The following SNRNP70 variants were observed in gnomAD, a reference collection of about 807,000 sequenced individuals.
The protein encoded by SNRNP70 is small nuclear ribonucleoprotein U1 subunit 70.
Under a neutral mutation model 50.5 loss-of-function variants are expected in SNRNP70, and 8 were observed. The ratio of observed to expected loss-of-function variants is 0.16; its 90% CI spans 0.09 to 0.29. SNRNP70 has a LOEUF of 0.29. Ranked by LOEUF, SNRNP70 falls within the 10% of genes least tolerant of loss-of-function variation. The pLI, the probability that SNRNP70 is intolerant of heterozygous loss-of-function variation, is 1.00. For missense variants in SNRNP70, 529 were observed against 663.5 expected (o/e 0.80, Z 2.23); for synonymous variants, 320 against 252.9 (o/e 1.27, Z -2.52).
rs748754445 is a variant in SNRNP70 at position 49,108,417 on chromosome 19, T to C, written c.1288T>C (p.Tyr430His). The C allele has an allele frequency of 6.2e-7, 1 of 1,609,086 alleles. No homozygotes were observed. Among genetic ancestry groups the C allele is most frequent in the South Asian group, 1.1e-5 (1 of 90,198 alleles). ...GDGYLAPENGYLMEAAPE is the reference protein window; with the variant it reads ...GDGYLAPENGHLMEAAPE ...CGGCTACCTGGCTCCGGAGAATGGG[T>C]ATTTGATGGAGGCTGCGCCGGAGTG... Residue 430 changes from tyrosine to histidine, a missense_variant, in exon 10 of 10, where the codon TAT (tyrosine) becomes CAT (histidine). Transcript: ENST00000598441.
chr19:49,102,980 C>T (rs766880111), intron 7 of SNRNP70: 1 of 152,640 alleles, frequency 6.6e-6, no homozygotes, highest in Non-Finnish European at 1.5e-5. Context: ...TGCCTTTCCC[C>T]ACTCCCCTCC....
At chr19:49,092,594 A>G (rs1223671485) in intron 4 of SNRNP70, among the ~76,000 whole-genome samples, 1 of 151,576 alleles carries the variant, frequency 6.6e-6, no homozygotes, top group Admixed American at 6.6e-5. Context: ...ATTTTAGTAG[A>G]GATGGGGTTT....
In SNRNP70 at chr19:49,104,859, C is replaced by G. The variant is rs2040645068; in HGVS notation, c.577+124C>G. On this transcript the variant is annotated intron_variant, in intron 8 of 9. Coordinates refer to ENST00000598441, the MANE Select transcript of SNRNP70 (RefSeq NM_003089.6). This position sits in a 1 kb window ranked among gnomAD's most constrained non-coding sequence, Gnocchi z 5.4. Reference sequence around the variant, plus strand: ...CCCACCTCTCCCATCGCGTCCTCATCTCCGGCTTCTCTCTCTTGTGGCCAT... The same window carrying G: ...CCCACCTCTCCCATCGCGTCCTCATGTCCGGCTTCTCTCTCTTGTGGCCAT... The G allele has an allele frequency of 3.3e-6, 2 of 598,858 alleles. No individual in the cohort carries two copies. Among genetic ancestry groups the G allele is most frequent in the Non-Finnish European group, 5.8e-6 (2 of 345,394 alleles). The allele number at this position is 598,858 out of a possible 1,614,324, so 37.1% of individuals were successfully genotyped here.
rs573767632 is a variant in SNRNP70, at chr19:49,107,157, A to C, written c.578-468A>C. Among the ~76,000 whole-genome samples, 6 of 152,208 alleles carry C rather than the reference A, an allele frequency of 3.9e-5. No homozygotes were observed. Among genetic ancestry groups the C allele is most frequent in the African/African-American group, 1.4e-4 (6 of 41,468 alleles). On this transcript the variant is annotated intron_variant, in intron 8 of 9. Transcript: ENST00000598441. The surrounding 1 kb of genome is among the most constrained non-coding windows in gnomAD (Gnocchi z 6.0). ...TGGGAAAGGCCTGGGACACGCAGCC[A>C]AGAGCCGCGGCTCAGACGCTAGCAG...
intron 6 of SNRNP70, among the ~76,000 whole-genome samples, chr19:49,100,966 G>A (rs1243599093): frequency 6.6e-6 from 1 of 152,022 alleles, no homozygotes; most frequent in East Asian, 1.9e-4. Flanking sequence ...CACACTTCTC[G>A]GCCTGGCATT....
rs1341788030 is a variant in SNRNP70, at chr19:49,108,131, G to A, written c.1002G>A (p.Glu334=). ...CCCCTGATGATGGGCCTCCAGGGGA[G>A]CTCGGGCCTGACGGCCCTGACGGTC... The part of the protein sequence containing the change: ...DAPPDDGPPG[E]LGPDGPDGPE... Residue 334 remains glutamate (E), a synonymous_variant, in exon 10 of 10, where the codon GAG becomes GAA. Transcript: ENST00000598441. 6.5e-7 allele frequency: 1 copy of A among 1,545,202 alleles called. No homozygotes were observed. The highest frequency in any genetic ancestry group is 2.4e-5 in the East Asian group (1 of 42,218).
chr19:49,096,724 G>A (rs548933186), intron 4 of SNRNP70, among the ~76,000 whole-genome samples: 92 of 152,052 alleles, frequency 6.1e-4, no homozygotes, highest in Non-Finnish European at 1.0e-3. Context: ...CCGAGATCTC[G>A]CCATCCATTG....
chr19:49,098,540 G>C, intron 5 of SNRNP70, 49 bp downstream of exon 5: 1 of 1,601,616 alleles, frequency 6.2e-7, no homozygotes, highest in Non-Finnish European at 8.6e-7. Context: ...CTGAGAGCCT[G>C]GGTCTGGCAC....
At position 49,107,203 on chromosome 19, in the gene SNRNP70, A is replaced by G. The variant is rs62127924; in HGVS notation, c.578-422A>G. ...AGCAGGGCCCGCTCTTGCTGCCTCT[A>G]CCACCAGTTGACGAGGAGTTTGGAC... is the stretch of plus-strand genomic sequence containing the variant. On this transcript the variant is annotated intron_variant, in intron 8 of 9. Transcript: ENST00000598441. The surrounding 1 kb of genome is among the most constrained non-coding windows in gnomAD (Gnocchi z 6.0). Among the ~76,000 whole-genome samples, 6,400 of 152,248 alleles carry G rather than the reference A, an allele frequency of 0.042. 180 individuals are homozygous for G. Among genetic ancestry groups the G allele is most frequent in the Middle Eastern group, 0.062 (18 of 292 alleles).
chr19:49,089,725 C>G (rs762847988), intron 2 of SNRNP70, among the ~76,000 whole-genome samples: 57 of 130,796 alleles, frequency 4.4e-4, no homozygotes, highest in Non-Finnish European at 8.0e-4. Flanking sequence ...TGCAGTGGTG[C>G]GATCTCGGCT....
chr19:49,106,806 G>GAC (rs1285922066), intron 8 of SNRNP70, among the ~76,000 whole-genome samples: 1 of 152,102 alleles, frequency 6.6e-6, no homozygotes, highest in Non-Finnish European at 1.5e-5. Context: ...CTATTCACTT[G>GAC]ACACACACAC....
chr19:49,087,640 C>T (rs1017918156), intron 2 of SNRNP70: 16 of 152,212 alleles, frequency 1.1e-4, no homozygotes, highest in African/African-American at 3.6e-4. Flanking sequence ...CAAGGGTCAT[C>T]TCTTAGGTGC....
In SNRNP70 at chr19:49,090,539, A is replaced by G. The variant is rs1357605930; in HGVS notation, c.265+19A>G. 6.2e-7 allele frequency: 1 copy of G among 1,612,654 alleles called. No individual in the cohort carries two copies. Among genetic ancestry groups the G allele is most frequent in the East Asian group, 2.2e-5 (1 of 44,864 alleles). On this transcript the variant is annotated intron_variant, in intron 4 of 9. Coordinates refer to ENST00000598441, the MANE Select transcript of SNRNP70 (RefSeq NM_003089.6). The stretch of plus-strand genomic sequence containing the variant: ...AAAATGTGTAAGTCTCTCATCCACC[A>G]TTTGGCTCTCTCCTCTCCCAAACCC...
chr19:49,105,278 G>A (rs2122398519), intron 8 of SNRNP70, among the ~76,000 whole-genome samples: 1 of 152,240 alleles, frequency 6.6e-6, no homozygotes, highest in East Asian at 1.9e-4. Context: ...GTCATTTGCT[G>A]TCTCAGGCAA....
intron 2 of SNRNP70, among the ~76,000 whole-genome samples, chr19:49,087,177 CAAAAA>C (rs11398967): frequency 2.0e-5 from 2 of 100,626 alleles, no homozygotes; most frequent in South Asian, 3.6e-4. Context: ...AAGACTGTCT[CAAAAA>C]AAAAAAAAAA....
At chr19:49,101,615 TC>T in intron 7 of SNRNP70, 144 bp downstream of exon 7, 1 of 619,858 alleles carries the variant, frequency 1.6e-6, no homozygotes. Flanking sequence ...TTCTGATGTA[TC>T]TTTTTTTTTT....
intron 1 of SNRNP70, among the ~76,000 whole-genome samples, chr19:49,085,893 A>G (rs1312514682): frequency 1.3e-5 from 2 of 151,834 alleles, no homozygotes; most frequent in African/African-American, 4.8e-5. Flanking sequence ...GTTGTCCTGG[A>G]CCCTTACCCA....
rs111556130 is a variant in SNRNP70, at chr19:49,091,925, C to T, written c.265+1405C>T. On this transcript the variant is annotated intron_variant, in intron 4 of 9. Coordinates refer to ENST00000598441, the MANE Select transcript of SNRNP70 (RefSeq NM_003089.6). ...GGTCATGACCTCATTTTTTGCCATG[C>T]AGTTTGTTTCTAACACCTTTTCTAA... Among the ~76,000 whole-genome samples, 201 of 152,252 alleles carry T rather than the reference C, an allele frequency of 1.3e-3. 3 individuals carry two copies. The highest frequency in any genetic ancestry group is 4.5e-3 in the African/African-American group (187 of 41,540).
At chr19:49,098,564 G>A (rs1412956565) in intron 5 of SNRNP70, 73 bp downstream of exon 5, 6 of 1,593,470 alleles carry the variant, frequency 3.8e-6, no homozygotes, top group Admixed American at 1.7e-5. Flanking sequence ...GGTCAAATAG[G>A]CTAGGTACAG....
Sources: gnomAD v4.1 joint callset for allele counts (sites outside exome capture counted in the v4.1 genomes callset) on GRCh38, gnomAD v4.1.1 for gene constraint, Gnocchi (gnomAD v3.1) non-coding constraint, MANE v1.5 for transcripts, NCBI Gene and HGNC (gene_info 2026-07-23, HGNC 2026-07-21) for gene names.